Variants in LRRC37A2 observed in about 807,000 individuals in gnomAD.
The protein encoded by LRRC37A2 is leucine rich repeat containing 37 member A2.
A neutral mutation model predicts 68.8 loss-of-function variants in LRRC37A2; 9 were observed. That is an observed-to-expected ratio of 0.13 (90% confidence interval 0.08 to 0.23). LRRC37A2 has a LOEUF of 0.23. Among genes scored for constraint, LRRC37A2 ranks in the 10% least tolerant of loss-of-function variants. The pLI is 1.00. For synonymous variants in LRRC37A2, 63 were observed against 367.6 expected, an observed-to-expected ratio of 0.17 and a Z score of 9.48; for missense variants, 168 against 950.4, an observed-to-expected ratio of 0.18 and a Z score of 10.82.
chr17:46,751,968 G>T, the LRRC37A2 span, among the ~76,000 whole-genome samples: 1 of 152,192 alleles, frequency 6.6e-6, no homozygotes, highest in African/African-American at 2.4e-5. Flanking sequence ...AATTATCCAA[G>T]ATCACATCAC....
the LRRC37A2 span, among the ~76,000 whole-genome samples, chr17:46,792,740 G>A: frequency 1.3e-5 from 2 of 152,194 alleles, no homozygotes; most frequent in Non-Finnish European, 2.9e-5. Flanking sequence ...CCAAAGCGCT[G>A]GGACTACAGG....
the LRRC37A2 span, among the ~76,000 whole-genome samples, chr17:46,951,150 GA>G: frequency 1.3e-5 from 2 of 152,332 alleles, no homozygotes; most frequent in Admixed American, 6.5e-5. Flanking sequence ...GTTATTGACA[GA>G]AACTGGCACA....
chr17:46,725,703 G>A, the LRRC37A2 span, among the ~76,000 whole-genome samples: 1 of 152,096 alleles, frequency 6.6e-6, no homozygotes, highest in African/African-American at 2.4e-5. Flanking sequence ...TGTTGGTGCG[G>A]GTGGGGATCG....
the LRRC37A2 span, among the ~76,000 whole-genome samples, chr17:46,747,477 G>C: frequency 6.6e-6 from 1 of 151,922 alleles, no homozygotes; most frequent in South Asian, 2.1e-4. Flanking sequence ...ATGAGGTTTC[G>C]CCATGTTACC....
At chr17:46,971,361 A>T in the LRRC37A2 span, among the ~76,000 whole-genome samples, 2 of 152,138 alleles carry the variant, frequency 1.3e-5, no homozygotes, top group African/African-American at 4.8e-5. Flanking sequence ...AATTAATTAA[A>T]AAGGAAAAAT....
chr17:47,010,851 G>A, the LRRC37A2 span: 1 of 152,342 alleles, frequency 6.6e-6, no homozygotes, highest in Non-Finnish European at 1.5e-5. Flanking sequence ...GGCGTAATGG[G>A]CAGGGATGGA....
the LRRC37A2 span, among the ~76,000 whole-genome samples, chr17:46,986,920 G>A: frequency 6.6e-6 from 1 of 152,176 alleles, no homozygotes; most frequent in Non-Finnish European, 1.5e-5. Context: ...GGAATAGCAT[G>A]TGCAGTGGCT....
At chr17:46,855,344 C>T in the LRRC37A2 span, among the ~76,000 whole-genome samples, 1 of 152,230 alleles carries the variant, frequency 6.6e-6, no homozygotes, top group Non-Finnish European at 1.5e-5. Context: ...AGACGGGTTG[C>T]ACTGACCCCT....
the LRRC37A2 span, among the ~76,000 whole-genome samples, chr17:46,898,647 G>A: frequency 6.6e-6 from 1 of 152,180 alleles, no homozygotes; most frequent in Non-Finnish European, 1.5e-5. Context: ...AACAGAAAAT[G>A]GTGATTCTTG....
At chr17:46,759,522 G>A in the LRRC37A2 span, among the ~76,000 whole-genome samples, 5 of 152,206 alleles carry the variant, frequency 3.3e-5, no homozygotes, top group African/African-American at 1.2e-4. Context: ...AAGATTAATG[G>A]TAAGAAATTT....
At chr17:46,676,527 C>T in the LRRC37A2 span, among the ~76,000 whole-genome samples, 6 of 147,166 alleles carry the variant, frequency 4.1e-5, no homozygotes, top group South Asian at 2.1e-4. Context: ...CCACCATGCC[C>T]GGCCTCCCAT....
chr17:46,733,868 G>C, the LRRC37A2 span, among the ~76,000 whole-genome samples: 1 of 152,202 alleles, frequency 6.6e-6, no homozygotes, highest in African/African-American at 2.4e-5. Flanking sequence ...TTATGATGTT[G>C]TTGAGAATAG....
the LRRC37A2 span, chr17:46,921,196 C>T: frequency 7.2e-5 from 11 of 152,342 alleles, no homozygotes; most frequent in African/African-American, 1.9e-4. Context: ...CCTGACAACA[C>T]GCATACGGTT....
At chr17:47,021,064 CA>C in the LRRC37A2 span, among the ~76,000 whole-genome samples, 1 of 151,910 alleles carries the variant, frequency 6.6e-6, no homozygotes, top group Non-Finnish European at 1.5e-5. Context: ...AACGTGGTTA[CA>C]AAGAATTAGG....
the LRRC37A2 span, among the ~76,000 whole-genome samples, chr17:46,829,214 C>A: frequency 1.3e-5 from 2 of 152,092 alleles, no homozygotes; most frequent in Admixed American, 6.6e-5. Flanking sequence ...GTCACCCAGG[C>A]TGGAGTGCAA....
chr17:47,022,633 G>A, the LRRC37A2 span, among the ~76,000 whole-genome samples: 1 of 152,114 alleles, frequency 6.6e-6, no homozygotes, highest in Non-Finnish European at 1.5e-5. Context: ...AAGCAAAATA[G>A]ATTTGTTTTG....
the LRRC37A2 span, among the ~76,000 whole-genome samples, chr17:46,793,892 C>G: frequency 3.9e-5 from 6 of 152,152 alleles, no homozygotes; most frequent in Non-Finnish European, 8.8e-5. Context: ...GACCCCAAAT[C>G]CCATGCTATC....
the LRRC37A2 span, among the ~76,000 whole-genome samples, chr17:46,956,016 C>A: frequency 6.6e-6 from 1 of 152,230 alleles, no homozygotes; most frequent in East Asian, 1.9e-4. Context: ...TTTCCATGCC[C>A]CATGGAGCCT....
At chr17:46,925,043 A>G in the LRRC37A2 span, among the ~76,000 whole-genome samples, 1 of 152,194 alleles carries the variant, frequency 6.6e-6, no homozygotes, top group South Asian at 2.1e-4. Flanking sequence ...GGAATTCTAA[A>G]TGGTACCCCA....
Sources: gnomAD v4.1 joint callset for allele counts (sites outside exome capture counted in the v4.1 genomes callset) on GRCh38, gnomAD v4.1.1 for gene constraint, MANE v1.5 for transcripts, NCBI Gene and HGNC (gene_info 2026-07-23, HGNC 2026-07-21) for gene names.